KYAT3: variants seen among roughly 807,000 people sequenced by gnomAD.
KYAT3 encodes kynurenine--oxoglutarate transaminase 3.
Under a neutral mutation model 59.0 loss-of-function variants are expected in KYAT3, and 50 were observed. That is an observed-to-expected ratio of 0.85 (90% confidence interval 0.68 to 1.07). The LOEUF (loss-of-function observed/expected upper bound fraction) is 1.07. Among genes scored for constraint, KYAT3 ranks in the 50% least tolerant of loss-of-function variants. The probability of loss-of-function intolerance (pLI) is 0.00; values close to 1 mark genes in which losing one functional copy is unlikely to be tolerated. For missense variants in KYAT3, 497 were observed against 533.3 expected, an observed-to-expected ratio of 0.93 and a Z score of 0.67; for synonymous variants, 148 against 177.0, an observed-to-expected ratio of 0.84 and a Z score of 1.30.
intron 2 of KYAT3, chr1:88,981,679 TTC>T (rs1677097263): frequency 5.6e-6 from 1 of 178,976 alleles, no homozygotes; most frequent in Admixed American, 6.4e-5. Flanking sequence ...AGCATTTGAT[TTC>T]TCTTACTGCC....
At chr1:88,937,783 T>C (rs1675094445) in intron 13 of KYAT3, among the ~76,000 whole-genome samples, 1 of 152,198 alleles carries the variant, frequency 6.6e-6, no homozygotes, top group Non-Finnish European at 1.5e-5. Context: ...CCTGCCGAAG[T>C]GCATAGCCTG....
chr1:88,974,295 C>G (rs566118593), intron 2 of KYAT3, among the ~76,000 whole-genome samples: 1 of 152,176 alleles, frequency 6.6e-6, no homozygotes, highest in South Asian at 2.1e-4. Flanking sequence ...TGTCTCTTAA[C>G]AAAGTACTGT....
At chr1:88,933,869 C>T (rs546490953), downstream of KYAT3, among the ~76,000 whole-genome samples, 1 of 152,142 alleles carries the variant, frequency 6.6e-6, no homozygotes, top group South Asian at 2.1e-4. Flanking sequence ...GATGGCTGGG[C>T]CTGGTAATTT....
At chr1:88,955,404 A>G (rs1422082420) in intron 8 of KYAT3, among the ~76,000 whole-genome samples, 179 bp from the exon 9 acceptor site, 1 of 152,204 alleles carries the variant, frequency 6.6e-6, no homozygotes, top group Non-Finnish European at 1.5e-5. Flanking sequence ...ACACAGACGA[A>G]AAGTTTACAA....
intron 2 of KYAT3, among the ~76,000 whole-genome samples, chr1:88,984,892 T>C (rs1557708152): frequency 1.3e-5 from 2 of 152,266 alleles, no homozygotes; most frequent in African/African-American, 2.4e-5. Context: ...TTACTACATA[T>C]GAATTTGTGC....
intron 13 of KYAT3, among the ~76,000 whole-genome samples, chr1:88,940,862 C>T (rs917908054): frequency 2.0e-5 from 3 of 152,110 alleles, no homozygotes; most frequent in African/African-American, 7.2e-5. Flanking sequence ...GCGACTGCTC[C>T]TACTGTTCTC....
chr1:88,923,538 C>A, the KYAT3 span: 1 of 161,902 alleles, frequency 6.2e-6, no homozygotes, highest in African/African-American at 2.4e-5. Context: ...CATTCTTTTC[C>A]TTGCTTTTCT....
intron 2 of KYAT3, among the ~76,000 whole-genome samples, chr1:88,978,484 T>C (rs1413136530): frequency 6.6e-6 from 1 of 151,992 alleles, no homozygotes; most frequent in Non-Finnish European, 1.5e-5. Context: ...GACATATGTG[T>C]GCCAGTATGC....
At chr1:88,950,370 T>C (rs1208820701) in intron 10 of KYAT3, among the ~76,000 whole-genome samples, 2 of 152,170 alleles carry the variant, frequency 1.3e-5, no homozygotes, top group African/African-American at 4.8e-5. Context: ...TAAGGATCGA[T>C]TGCCTTAGCC....
downstream of KYAT3, among the ~76,000 whole-genome samples, chr1:88,934,989 A>ATTTTTTTTTTTTTTTTTTTTTTTTTTTT (rs59691903): frequency 9.1e-6 from 1 of 110,102 alleles, no homozygotes; most frequent in Non-Finnish European, 1.8e-5. Context: ...TAAAGAAGTG[A>ATTTTTTTTTTTTTTTTTTTTTTTTTTTT]TTTTTTTTTT....
intron 2 of KYAT3, among the ~76,000 whole-genome samples, chr1:88,971,690 C>T (rs1023770463): frequency 6.6e-6 from 1 of 152,162 alleles, no homozygotes; most frequent in Admixed American, 6.5e-5. Context: ...ATGTTCTCTA[C>T]TCAGTCCAAT....
In KYAT3 at chr1:88,949,169, G is replaced by T. The variant is rs761760838; in HGVS notation, c.1063C>A (p.Arg355Ser). The change falls in exon 11 of 14, where the codon CGT becomes AGT. Residue 355 changes from arginine (R) to serine (S), a missense_variant. Physicochemically the swap from Arg to Ser is moderately radical, Grantham distance 110. Transcript: ENST00000260508. Reference protein sequence around the residue: ...ELEVKRDRMVRLLESVGLKPI... With the variant: ...ELEVKRDRMVSLLESVGLKPI... The stretch of plus-strand genomic sequence containing the variant: ...TTTAGGCCAACACTTTCAAGTAAAC[G>T]TACCATCCGATCTCTTTTTACTTCT... 3 of 1,610,502 alleles carry T rather than the reference G, an allele frequency of 1.9e-6. No homozygotes were observed. In the African/African-American group the frequency reaches 4.0e-5, roughly 22 times the overall value.
chr1:88,969,374 C>G, intron 3 of KYAT3, 35 bp downstream of exon 3: 1 of 1,273,914 alleles, frequency 7.8e-7, no homozygotes, highest in Non-Finnish European at 1.1e-6. Flanking sequence ...TGTAGGAAAC[C>G]CTCACTAAAT....
intron 10 of KYAT3, among the ~76,000 whole-genome samples, chr1:88,950,637 T>A (rs1675630396): frequency 6.6e-6 from 1 of 152,204 alleles, no homozygotes. Flanking sequence ...ATATCCCATA[T>A]GTAACCTATT....
chr1:88,973,032 T>A (rs539089960), intron 2 of KYAT3, among the ~76,000 whole-genome samples: 1 of 152,342 alleles, frequency 6.6e-6, no homozygotes, highest in South Asian at 2.1e-4. Context: ...GTCATTAGCG[T>A]GAACCCTAAT....
intron 2 of KYAT3, among the ~76,000 whole-genome samples, chr1:88,986,113 G>C (rs920081836): frequency 3.3e-5 from 5 of 151,604 alleles, no homozygotes; most frequent in African/African-American, 1.2e-4. Flanking sequence ...CCCGAGAGGC[G>C]GAGGCTGCAG....
intron 11 of KYAT3, among the ~76,000 whole-genome samples, chr1:88,945,540 G>A (rs1675406996): frequency 6.6e-6 from 1 of 152,134 alleles, no homozygotes; most frequent in South Asian, 2.1e-4. Flanking sequence ...TCTATCAATA[G>A]TGATATAATA....
At chr1:88,943,542 T>C (rs1220711711) in intron 11 of KYAT3, 119 bp from the exon 12 acceptor site, 2 of 648,422 alleles carry the variant, frequency 3.1e-6, no homozygotes, top group Non-Finnish European at 5.5e-6. Flanking sequence ...TTTAGAATTT[T>C]CTCAGAACAT....
At chr1:88,958,070 T>A (rs527681788) in intron 8 of KYAT3, among the ~76,000 whole-genome samples, 25 of 152,338 alleles carry the variant, frequency 1.6e-4, no homozygotes, top group Admixed American at 1.3e-3. Context: ...CAAAAATATA[T>A]CCCATTATAA....
Sources: allele counts gnomAD v4.1 joint callset (sites outside exome capture counted in the v4.1 genomes callset), GRCh38; gene constraint gnomAD v4.1.1; transcripts MANE v1.5; gene names NCBI Gene and HGNC (gene_info 2026-07-23, HGNC 2026-07-21).